Variants in CHRM3 observed in about 807,000 individuals in gnomAD.
CHRM3 encodes muscarinic acetylcholine receptor M3.
Under a neutral mutation model 41.8 loss-of-function variants are expected in CHRM3, and 11 were observed. The observed-to-expected ratio is 0.26, with a 90% CI of 0.17 to 0.44. The LOEUF (loss-of-function observed/expected upper bound fraction) is 0.44, where lower values mean the gene tolerates loss of function less well. CHRM3 is among the 20% of genes least tolerant of loss of function. The probability of loss-of-function intolerance (pLI) is 1.00; values close to 1 mark genes in which losing one functional copy is unlikely to be tolerated. For missense variants in CHRM3, 571 were observed against 745.4 expected, an observed-to-expected ratio of 0.77 and a Z score of 2.72; for synonymous variants, 297 against 301.4, an observed-to-expected ratio of 0.99 and a Z score of 0.15.
intron 4 of CHRM3, among the ~76,000 whole-genome samples, chr1:239,661,374 G>C (rs2149011497): frequency 6.6e-6 from 1 of 152,254 alleles, no homozygotes; most frequent in East Asian, 1.9e-4. Flanking sequence ...GCTGATTAAT[G>C]AGTTTTAGGT....
At chr1:239,552,861 T>G (rs1660001609) in intron 3 of CHRM3, among the ~76,000 whole-genome samples, 1 of 151,972 alleles carries the variant, frequency 6.6e-6, no homozygotes, top group African/African-American at 2.4e-5. Flanking sequence ...CTGATACCTT[T>G]ATGAGTCTCC....
chr1:239,902,684 CCTT>C (rs1303010289), intron 6 of CHRM3, among the ~76,000 whole-genome samples: 1 of 152,122 alleles, frequency 6.6e-6, no homozygotes, highest in East Asian at 1.9e-4. Context: ...TACCACATTC[CCTT>C]CTTTTCTCGT....
chr1:239,592,779 G>A (rs1401446098), intron 3 of CHRM3, among the ~76,000 whole-genome samples: 2 of 151,974 alleles, frequency 1.3e-5, no homozygotes, highest in South Asian at 2.1e-4. Context: ...TTTGAATAAC[G>A]TGGCTATTAG....
chr1:239,732,778 TATACCTAATATCTCACTTAGATAAG>T (rs542096111), intron 5 of CHRM3, among the ~76,000 whole-genome samples: 4 of 90,568 alleles, frequency 4.4e-5, no homozygotes, highest in African/African-American at 1.2e-4. Flanking sequence ...CTTAGATAAG[TATACCTAATATCTCACTTAGATAAG>T]ATACCTAATA....
At chr1:239,736,267 G>C (rs770693557) in intron 5 of CHRM3, among the ~76,000 whole-genome samples, 2 of 152,038 alleles carry the variant, frequency 1.3e-5, no homozygotes, top group East Asian at 3.9e-4. Context: ...TGAGCCAGAC[G>C]AATAGAACCA....
In CHRM3 at chr1:239,880,285, A is replaced by G. The variant is rs142068378; in HGVS notation, c.-19-27148A>G. Reference sequence around the variant, plus strand: ...TGGGGTTTTGGCCCTGTGATACCCAAAGGTCATCCATGGAGCAGTCACACA... The same window carrying G: ...TGGGGTTTTGGCCCTGTGATACCCAGAGGTCATCCATGGAGCAGTCACACA... On this transcript the variant is annotated intron_variant, in intron 6 of 6. Transcript: ENST00000676153. 4.9e-3 allele frequency among the ~76,000 whole-genome samples: 744 copies of G among 152,302 alleles called. 6 individuals are homozygous for G. The highest frequency in any genetic ancestry group is 0.017 in the African/African-American group (692 of 41,564).
intron 1 of CHRM3, among the ~76,000 whole-genome samples, chr1:239,407,614 A>T (rs1660715923): frequency 6.6e-6 from 1 of 152,042 alleles, no homozygotes; most frequent in Admixed American, 6.6e-5. Flanking sequence ...GCATATTTAT[A>T]TTGAAATCAC....
intron 6 of CHRM3, among the ~76,000 whole-genome samples, chr1:239,857,637 C>T (rs1675229445): frequency 6.6e-6 from 1 of 152,064 alleles, no homozygotes; most frequent in African/African-American, 2.4e-5. Flanking sequence ...TTAAATTATT[C>T]TGATTATTTA....
intron 3 of CHRM3, among the ~76,000 whole-genome samples, chr1:239,611,415 A>ACT (rs1367011921): frequency 8.9e-6 from 1 of 112,608 alleles, no homozygotes; most frequent in Non-Finnish European, 1.9e-5. Flanking sequence ...TTTGCAAGTG[A>ACT]CTTTTTTTTT....
At chr1:239,753,502 G>A (rs1412860841) in intron 5 of CHRM3, among the ~76,000 whole-genome samples, 4 of 152,160 alleles carry the variant, frequency 2.6e-5, no homozygotes, top group South Asian at 4.2e-4. Context: ...AGGGGGAATC[G>A]CCACACACTT....
intron 6 of CHRM3, among the ~76,000 whole-genome samples, chr1:239,859,413 G>GTTTTTTTTTT (rs1331316835): frequency 8.8e-6 from 1 of 113,260 alleles, no homozygotes; most frequent in Non-Finnish European, 1.8e-5. Flanking sequence ...TGTTGTTGTT[G>GTTTTTTTTTT]TTGTTGTTTT....
chr1:239,905,185 G>A (rs112830899), intron 6 of CHRM3, among the ~76,000 whole-genome samples: 1 of 152,152 alleles, frequency 6.6e-6, no homozygotes, highest in Non-Finnish European at 1.5e-5. Context: ...CCTTAAGGAG[G>A]CGTGTGATGA....
chr1:239,552,239 CA>C (rs372165073), intron 3 of CHRM3, among the ~76,000 whole-genome samples: 1,849 of 61,436 alleles, frequency 0.03, 32 homozygotes, highest in African/African-American at 0.063. Context: ...TGATATGTAT[CA>C]TATATATGTA....
At chr1:239,427,123 A>G (rs1203369731) in intron 1 of CHRM3, among the ~76,000 whole-genome samples, 3 of 152,264 alleles carry the variant, frequency 2.0e-5, no homozygotes, top group African/African-American at 7.2e-5. Flanking sequence ...GGTGATAGTG[A>G]TTTAAAGTCA....
At chr1:239,412,309 CCCTTCCTTTCTTCTTCCTTCCTT>C in intron 1 of CHRM3, among the ~76,000 whole-genome samples, 1 of 32,984 alleles carries the variant, frequency 3.0e-5, no homozygotes, top group South Asian at 1.5e-3. Context: ...CTTCTTTCCT[CCCTTCCTTTCTTCTTCCTTCCTT>C]CCTCCCTCCC....
At chr1:239,420,678 T>TATTCCCC (rs1661883642) in intron 1 of CHRM3, among the ~76,000 whole-genome samples, 1 of 152,220 alleles carries the variant, frequency 6.6e-6, no homozygotes. Context: ...GATAGATAGG[T>TATTCCCC]ATTGATTTCA....
At chr1:239,545,484 A>G (rs1248274537) in intron 2 of CHRM3, among the ~76,000 whole-genome samples, 157 bp from the exon 3 acceptor site, 1 of 152,222 alleles carries the variant, frequency 6.6e-6, no homozygotes, top group Admixed American at 6.5e-5. Flanking sequence ...AAAAACAGCA[A>G]CAATAGAGGT....
intron 6 of CHRM3, among the ~76,000 whole-genome samples, chr1:239,893,949 T>C (rs1678767263): frequency 6.6e-6 from 1 of 152,172 alleles, no homozygotes; most frequent in South Asian, 2.1e-4. Flanking sequence ...ATCTCTTTCT[T>C]CACCTCCTCC....
rs12135909 is a variant in CHRM3 at position 239,422,039 on chromosome 1, C to G, written c.-521+34812C>G. On this transcript the variant is annotated intron_variant, in intron 1 of 6. Transcript: ENST00000676153. ...AGATAACATTACAGGAAAATGAGGG[C>G]CATGGGACCTGTTAGCTGAGAGATA... Among the ~76,000 whole-genome samples, 504 of 152,240 alleles carry G rather than the reference C, an allele frequency of 3.3e-3. 2 individuals are homozygous for G. Among genetic ancestry groups the G allele is most frequent in the Non-Finnish European group, 4.9e-3 (335 of 68,018 alleles).
Sources: gnomAD v4.1 joint callset for allele counts (sites outside exome capture counted in the v4.1 genomes callset) on GRCh38, gnomAD v4.1.1 for gene constraint, MANE v1.5 for transcripts, NCBI Gene and HGNC (gene_info 2026-07-23, HGNC 2026-07-21) for gene names.